The following ACSM6 variants were observed in gnomAD, a reference collection of about 807,000 sequenced individuals.
The protein encoded by ACSM6 is acyl-CoA synthetase medium chain family member 6.
In ACSM6, 35 loss-of-function variants were observed where a neutral mutation model predicts 51.1. The ratio of observed to expected loss-of-function variants is 0.69; its 90% CI spans 0.52 to 0.91. The LOEUF is 0.91. Among genes scored for constraint, ACSM6 ranks in the 40% least tolerant of loss-of-function variants. The probability of loss-of-function intolerance (pLI) is 0.00; values close to 1 mark genes in which losing one functional copy is unlikely to be tolerated. For synonymous variants in ACSM6, 172 were observed against 207.3 expected (o/e 0.83, Z 1.46); for missense variants, 509 against 584.1 (o/e 0.87, Z 1.32).
chr10:95,227,397 T>C (rs661318), intron 10 of ACSM6, among the ~76,000 whole-genome samples: 145,074 of 152,342 alleles, frequency 0.95, 69,153 homozygotes, highest in East Asian at 1. Flanking sequence ...ATTGTAAATA[T>C]TTCTTCAATG....
At chr10:95,194,782 T>C (rs2034709304) in intron 2 of ACSM6, 105 bp downstream of exon 2, 9 of 1,054,150 alleles carry the variant, frequency 8.5e-6, no homozygotes, top group Non-Finnish European at 1.2e-5. Flanking sequence ...CACTAGAAAG[T>C]GCAAATTCAG....
At chr10:95,198,470 G>A (rs1342921924) in intron 2 of ACSM6, among the ~76,000 whole-genome samples, 1 of 152,100 alleles carries the variant, frequency 6.6e-6, no homozygotes, top group Non-Finnish European at 1.5e-5. Flanking sequence ...GGGCAACATG[G>A]TGAAACCCCA....
exon 4 of ACSM6, chr10:95,207,340 G>A (rs979336639): frequency 8.7e-6 from 14 of 1,614,160 alleles, no homozygotes; most frequent in East Asian, 4.5e-5. Flanking sequence ...GTGTCCGACT[G>A]CCCCACCTTG....
chr10:95,210,435 C>A (rs74150793), intron 4 of ACSM6, among the ~76,000 whole-genome samples: 6,442 of 151,980 alleles, frequency 0.042, 493 homozygotes, highest in African/African-American at 0.15. Context: ...ATAAGGCTGG[C>A]GTATAAATGC....
chr10:95,194,914 G>C (rs926657241), intron 2 of ACSM6, among the ~76,000 whole-genome samples: 1 of 152,176 alleles, frequency 6.6e-6, no homozygotes, highest in Admixed American at 6.5e-5. Context: ...TTGCCTTCTA[G>C]GACCTTAGTT....
chr10:95,214,890 G>A (rs1474814245), exon 8 of ACSM6: 2 of 1,551,532 alleles, frequency 1.3e-6, no homozygotes, highest in African/African-American at 1.4e-5. Flanking sequence ...GTGGCTGCAG[G>A]AGGACCCATC....
chr10:95,223,296 A>G (rs623544), intron 9 of ACSM6, among the ~76,000 whole-genome samples: 25,634 of 151,992 alleles, frequency 0.17, 2,336 homozygotes, highest in Middle Eastern at 0.4. Flanking sequence ...AAAAACATAT[A>G]ACACCAGGAT....
At chr10:95,228,574 C>T (rs938101976) in intron 10 of ACSM6, 70 bp from the exon 11 acceptor site, 4 of 1,474,854 alleles carry the variant, frequency 2.7e-6, no homozygotes, top group Admixed American at 2.2e-5. Flanking sequence ...AGCCAGAGTG[C>T]TCAATTCATA....
chr10:95,211,398 A>G (rs1249235719), intron 5 of ACSM6, among the ~76,000 whole-genome samples: 1 of 152,242 alleles, frequency 6.6e-6, no homozygotes, highest in Non-Finnish European at 1.5e-5. Context: ...ATCCTGCCTT[A>G]GACAAATGGT....
intron 10 of ACSM6, among the ~76,000 whole-genome samples, chr10:95,226,711 A>G (rs1271237595): frequency 6.6e-6 from 1 of 152,194 alleles, no homozygotes; most frequent in Non-Finnish European, 1.5e-5. Context: ...TCTTTTAACT[A>G]CTTTTAAAAT....
chr10:95,194,816 AC>A, intron 2 of ACSM6, 139 bp downstream of exon 2: 1 of 760,720 alleles, frequency 1.3e-6, no homozygotes, highest in Non-Finnish European at 2.1e-6. Context: ...TAGCAAAATG[AC>A]TAAGAACATA....
At chr10:95,194,651 T>C (rs1244104222) in exon 2 of ACSM6, 2 of 1,552,154 alleles carry the variant, frequency 1.3e-6, no homozygotes, top group Non-Finnish European at 1.7e-6. Context: ...AAAGGATGTG[T>C]TGGATCAGTG....
At chr10:95,207,328 C>T (rs758336735) in exon 4 of ACSM6, 1 of 1,614,150 alleles carries the variant, frequency 6.2e-7, no homozygotes, top group Non-Finnish European at 8.5e-7. Flanking sequence ...GTAAACTCTG[C>T]CGTGTCCGAC....
At chr10:95,207,772 CTT>C (rs1437522583) in intron 4 of ACSM6, among the ~76,000 whole-genome samples, 2 of 133,488 alleles carry the variant, frequency 1.5e-5, no homozygotes, top group Non-Finnish European at 3.4e-5. Flanking sequence ...TAACAAAAAA[CTT>C]ATATATAGAC....
At position 95,228,815 on chromosome 10, in the gene ACSM6, C is replaced by A. The variant is rs547929722; in HGVS notation, c.*31C>A. On this transcript the variant is annotated 3_prime_UTR_variant, in exon 11 of 11. Coordinates refer to ENST00000341686, the Ensembl canonical transcript of ACSM6. ...TTGGTTATTGCTATTGAGCCTGGGG[C>A]TGTGGGAGTTTGAAGAAGACTCTGG... 2.1e-5 allele frequency: 33 copies of A among 1,541,288 alleles called. No individual in the cohort carries two copies. In the African/African-American group the frequency reaches 2.9e-4, roughly 13 times the overall value.
rs1165343551 is a variant in ACSM6, at chr10:95,206,979, G to A, written c.404-229G>A. Among the ~76,000 whole-genome samples, 3 of 152,164 alleles carry A rather than the reference G, an allele frequency of 2.0e-5. No homozygotes were observed. The East Asian group carries it at 5.8e-4, about 29-fold the overall frequency. The stretch of plus-strand genomic sequence containing the variant: ...TATAAACTCAGGACCTGATTGAGGT[G>A]AAAGGATAACAGCAACAGAGCCACA... On this transcript the variant is annotated intron_variant, in intron 3 of 10. Transcript: ENST00000341686.
chr10:95,223,155 TACAG>T (rs560975976), intron 9 of ACSM6, among the ~76,000 whole-genome samples: 325 of 106,204 alleles, frequency 3.1e-3, no homozygotes, highest in African/African-American at 9.2e-3. Context: ...CACGCACACA[TACAG>T]ACACACACAC....
exon 6 of ACSM6, chr10:95,211,957 G>T: frequency 3.7e-6 from 6 of 1,614,078 alleles, no homozygotes; most frequent in Non-Finnish European, 5.1e-6. Flanking sequence ...CCTGAGCGCT[G>T]TCTTGGGAAC....
intron 7 of ACSM6, among the ~76,000 whole-genome samples, chr10:95,213,698 CAACT>C (rs979941954): frequency 2.6e-5 from 4 of 152,076 alleles, no homozygotes; most frequent in African/African-American, 9.7e-5. Context: ...CCTAGGGTAC[CAACT>C]AAGAAGTAGA....
Sources: allele counts gnomAD v4.1 joint callset (sites outside exome capture counted in the v4.1 genomes callset), GRCh38; gene constraint gnomAD v4.1.1; transcripts MANE v1.5; gene names NCBI Gene and HGNC (gene_info 2026-07-23, HGNC 2026-07-21).